CAMKK1: variants seen among roughly 807,000 people sequenced by gnomAD.
CAMKK1 encodes calcium/calmodulin dependent protein kinase kinase 1.
A neutral mutation model predicts 63.5 loss-of-function variants in CAMKK1; 20 were observed. The observed-to-expected ratio is 0.32, with a 90% CI of 0.22 to 0.46. CAMKK1 has a LOEUF of 0.46. Ranked by LOEUF, CAMKK1 falls within the 20% of genes least tolerant of loss-of-function variation. The pLI, the probability that CAMKK1 is intolerant of heterozygous loss-of-function variation, is 1.00. For missense variants in CAMKK1, 588 were observed against 658.1 expected (o/e 0.89, Z 1.17); for synonymous variants, 253 against 269.0 (o/e 0.94, Z 0.58).
rs540227302 is a variant in CAMKK1, at chr17:3,862,892, C to T, written c.1446-609G>A. ...GCTCAAGCGATCCATCCACCTCAGCCTCCTAAAGTGTTGGGATTGCAGGCG... is the reference window on the plus strand; with the variant it reads ...GCTCAAGCGATCCATCCACCTCAGCTTCCTAAAGTGTTGGGATTGCAGGCG... On this transcript the variant is annotated intron_variant, in intron 15 of 15. Transcript: ENST00000348335. This position sits in a 1 kb window ranked among gnomAD's most constrained non-coding sequence, Gnocchi z 4.1. 2.0e-5 allele frequency among the ~76,000 whole-genome samples: 3 copies of T among 152,320 alleles called. No homozygotes were observed. The East Asian group carries it at 5.8e-4, about 30-fold the overall frequency.
At position 3,880,576 on chromosome 17, in the gene CAMKK1, A is replaced by G. The variant is rs879279060; in HGVS notation, c.708-142T>C. 1.7e-5 allele frequency: 11 copies of G among 633,508 alleles called. No individual in the cohort carries two copies. In the African/African-American group the frequency reaches 2.0e-4, roughly 12 times the overall value. The allele number at this position is 633,508 out of a possible 1,614,324, so 39.2% of individuals were successfully genotyped here. On this transcript the variant is annotated intron_variant, in intron 8 of 15. Transcript: ENST00000348335. The stretch of plus-strand genomic sequence containing the variant: ...TAGCTTTTTCTGCTACATAATAAAA[A>G]ATTTAAAGCACACATACTCATACAT...
intron 14 of CAMKK1, among the ~76,000 whole-genome samples, chr17:3,867,266 C>T (rs529191763): frequency 8.5e-5 from 13 of 152,214 alleles, no homozygotes; most frequent in South Asian, 4.1e-4. Context: ...TGGGACTCCC[C>T]GGGCAGAGGG....
chr17:3,870,597 T>C (rs9915874), intron 12 of CAMKK1, among the ~76,000 whole-genome samples: 14,622 of 151,954 alleles, frequency 0.096, 994 homozygotes, highest in East Asian at 0.26. Context: ...GATCTCCTGA[T>C]CTCATGATCC....
chr17:3,871,589 C>T (rs1160162659), intron 12 of CAMKK1, among the ~76,000 whole-genome samples: 22 of 149,840 alleles, frequency 1.5e-4, no homozygotes, highest in South Asian at 4.2e-4. Flanking sequence ...ATCTCCTGAC[C>T]TCGTGATCCG....
Position 3,885,366 on chromosome 17 carries a change from TG to T in CAMKK1, c.321del (p.Thr108ProfsTer18). ...ATGGCCACGTGGTGGGACTCGATGGTGGGCCTCCGCCAGGCCCGGGGGGAGA... is the reference window on the plus strand; with the variant it reads ...ATGGCCACGTGGTGGGACTCGATGGTGGCCTCCGCCAGGCCCGGGGGGAGA... ...SHISPRAWRR[P>X]TIESHHVAIS... On this transcript the variant is annotated frameshift_variant, in exon 2 of 16. Transcript: ENST00000348335. LOFTEE classifies it high-confidence loss of function. 3 of 1,607,030 alleles carry T rather than the reference TG, an allele frequency of 1.9e-6. No individual in the cohort carries two copies. The highest frequency in any genetic ancestry group is 2.6e-6 in the Non-Finnish European group (3 of 1,175,998).
chr17:3,872,038 T>C (rs1291378973), intron 12 of CAMKK1, among the ~76,000 whole-genome samples: 1 of 152,196 alleles, frequency 6.6e-6, no homozygotes, highest in Non-Finnish European at 1.5e-5. Context: ...GAACCATGCA[T>C]GAGCAAGAGG....
At chr17:3,885,278 T>C (rs1389502199) in intron 2 of CAMKK1, 50 bp downstream of exon 2, 3 of 1,510,282 alleles carry the variant, frequency 2.0e-6, no homozygotes, top group Non-Finnish European at 1.8e-6. Flanking sequence ...GAGTCTTCAT[T>C]GCAGACTACT....
intron 1 of CAMKK1, among the ~76,000 whole-genome samples, chr17:3,888,684 C>A (rs772139857): frequency 6.6e-6 from 1 of 152,198 alleles, no homozygotes; most frequent in Admixed American, 6.5e-5. Context: ...GATGCGCGGG[C>A]GGGCGGAAGG....
At position 3,882,177 on chromosome 17, in the gene CAMKK1, AT is replaced by A. The variant is rs1246672536; in HGVS notation, c.685+350del. ...ACCCTATGAGGTAGACACCACTAGT[AT>A]CCCTGTTTTATAGGTGGGAAAACTG... On this transcript the variant is annotated intron_variant, in intron 7 of 15. Transcript: ENST00000348335. The surrounding 1 kb of genome is among the most constrained non-coding windows in gnomAD (Gnocchi z 4.3). The A allele has an allele frequency of 4.3e-6, 4 of 933,636 alleles. No individual in the cohort carries two copies. Among genetic ancestry groups the A allele is most frequent in the Non-Finnish European group, 6.7e-6 (4 of 596,382 alleles). 57.8% of individuals were successfully genotyped at this position (933,636 alleles called of 1,614,324 possible).
intron 8 of CAMKK1, among the ~76,000 whole-genome samples, chr17:3,881,243 AC>A (rs2055398411): frequency 6.6e-6 from 1 of 152,176 alleles, no homozygotes; most frequent in Non-Finnish European, 1.5e-5. Context: ...CTGGAATCCC[AC>A]CCACTCCATT....
In CAMKK1 at chr17:3,888,799, G is replaced by A. The variant is rs112798792; in HGVS notation, c.-43-3069C>T. ...GGGAGGCGGCCGGCCGGGGAGGCCC[G>A]AGGTTCCTGCCGCGTGTCCGGGAGA... On this transcript the variant is annotated intron_variant, in intron 1 of 15. Transcript: ENST00000348335. 5.5e-3 allele frequency among the ~76,000 whole-genome samples: 834 copies of A among 152,252 alleles called. 9 individuals are homozygous for A. The highest frequency in any genetic ancestry group is 0.019 in the African/African-American group (792 of 41,560).
At position 3,885,456 on chromosome 17, in the gene CAMKK1, G is replaced by A. The variant is rs138396037; in HGVS notation, c.232C>T (p.Arg78Trp). The A allele has an allele frequency of 1.9e-4, 304 of 1,613,372 alleles. 1 individual carries two copies. The African/African-American group carries it at 3.7e-3, about 20-fold the overall frequency. ...GCCTCCAGATAGCTTCCTGCTGGCC[G>A]CTCCTGTAGGGAAAGCTTCCTGGCT... ...LSARKLSLQERPAGSYLEAQA... is the reference protein window; with the variant it reads ...LSARKLSLQEWPAGSYLEAQA... Residue 78 changes from arginine to tryptophan, a missense_variant, in exon 2 of 16, where the codon CGG becomes TGG. Physicochemically the swap from Arg to Trp is moderately radical, Grantham distance 101. Coordinates refer to ENST00000348335, the MANE Select transcript of CAMKK1 (RefSeq NM_032294.3).
At position 3,862,486 on chromosome 17, in the gene CAMKK1, G is replaced by A. The variant is rs774552328; in HGVS notation, c.1446-203C>T. On this transcript the variant is annotated intron_variant, in intron 15 of 15. Transcript: ENST00000348335. This position sits in a 1 kb window ranked among gnomAD's most constrained non-coding sequence, Gnocchi z 4.1. Reference sequence around the variant, plus strand: ...GTCTCTCAGCCCCCAGTCTCAGCCCGCAACGCCTCCGTGGCCCCCCATTGA... The same window carrying A: ...GTCTCTCAGCCCCCAGTCTCAGCCCACAACGCCTCCGTGGCCCCCCATTGA... 1.3e-5 allele frequency among the ~76,000 whole-genome samples: 2 copies of A among 152,008 alleles called. No individual in the cohort carries two copies. Among genetic ancestry groups the A allele is most frequent in the African/African-American group, 2.4e-5 (1 of 41,374 alleles).
rs1245138499 is a variant in CAMKK1, at chr17:3,890,756, T to A, written c.-44+2183A>T. 1.3e-6 allele frequency: 1 copy of A among 779,794 alleles called. No homozygotes were observed. Among genetic ancestry groups the A allele is most frequent in the Non-Finnish European group, 2.4e-6 (1 of 417,976 alleles). The allele number at this position is 779,794 out of a possible 1,614,324, so 48.3% of individuals were successfully genotyped here. A position where few individuals can be genotyped will look rare whatever the true frequency, so the allele number is the denominator to read the frequency against. On this transcript the variant is annotated intron_variant, in intron 1 of 15. Coordinates refer to ENST00000348335, the MANE Select transcript of CAMKK1 (RefSeq NM_032294.3). The surrounding 1 kb of genome is among the most constrained non-coding windows in gnomAD (Gnocchi z 6.5). ...ACTCTGTTCTGCTGCCAGGCCTCAG[T>A]ACAAGCTGTGCCTTCTGCCAGGAAC... is the stretch of plus-strand genomic sequence containing the variant.
chr17:3,872,185 G>T (rs548447203), intron 12 of CAMKK1, among the ~76,000 whole-genome samples: 1 of 152,230 alleles, frequency 6.6e-6, no homozygotes, highest in Admixed American at 6.5e-5. Context: ...TGGGGAGCAC[G>T]CACTGGCATC....
intron 9 of CAMKK1, among the ~76,000 whole-genome samples, chr17:3,877,011 G>GGATTACAC (rs1207106998): frequency 6.6e-6 from 1 of 152,034 alleles, no homozygotes; most frequent in East Asian, 1.9e-4. Context: ...ACCCACCTTG[G>GGATTACAC]CCTCCCAAAG....
rs758235667 is a variant in CAMKK1, at chr17:3,882,249, G to C, written c.685+279C>G. 131 of 1,601,080 alleles carry C rather than the reference G, an allele frequency of 8.2e-5. No homozygotes were observed. Among genetic ancestry groups the C allele is most frequent in the Non-Finnish European group, 1.1e-4 (129 of 1,170,542 alleles). ...TGGGAACCCATGCAGCCTGCTTCCTGCATCTACCTGAGCGCGCAGCCCACG... is the reference window on the plus strand; with the variant it reads ...TGGGAACCCATGCAGCCTGCTTCCTCCATCTACCTGAGCGCGCAGCCCACG... On this transcript the variant is annotated intron_variant, in intron 7 of 15. Transcript: ENST00000348335. This position sits in a 1 kb window ranked among gnomAD's most constrained non-coding sequence, Gnocchi z 4.3.
At chr17:3,866,064 C>G in intron 14 of CAMKK1, 53 bp from the exon 15 acceptor site, 1 of 1,592,176 alleles carries the variant, frequency 6.3e-7, no homozygotes, top group South Asian at 1.1e-5. Context: ...CCCAGACACG[C>G]AGCCTCTGCT....
At position 3,882,036 on chromosome 17, in the gene CAMKK1, C is replaced by A; in HGVS notation, c.686-388G>T. 1.9e-6 allele frequency: 1 copy of A among 530,916 alleles called. No homozygotes were observed. The highest frequency in any genetic ancestry group is 3.3e-6 in the Non-Finnish European group (1 of 301,758). 32.9% of individuals were successfully genotyped at this position (530,916 alleles called of 1,614,324 possible). On this transcript the variant is annotated intron_variant, in intron 7 of 15. Transcript: ENST00000348335. The surrounding 1 kb of genome is among the most constrained non-coding windows in gnomAD (Gnocchi z 4.3). ...TCTTCTTCTGCCCCATTTTCTGAGG[C>A]CTCCTCTAAGCCCAGCCCTGAACCA...
Sources: allele counts gnomAD v4.1 joint callset (sites outside exome capture counted in the v4.1 genomes callset), GRCh38; gene constraint gnomAD v4.1.1; non-coding constraint Gnocchi (gnomAD v3.1); transcripts MANE v1.5; gene names NCBI Gene and HGNC (gene_info 2026-07-23, HGNC 2026-07-21).